BAZ2B: variants seen among roughly 807,000 people sequenced by gnomAD.
The protein encoded by BAZ2B is bromodomain adjacent to zinc finger domain protein 2B.
Under a neutral mutation model 246.0 loss-of-function variants are expected in BAZ2B, and 91 were observed. The ratio of observed to expected loss-of-function variants is 0.37; its 90% CI spans 0.31 to 0.44. BAZ2B has a LOEUF of 0.44. BAZ2B is among the 20% of genes least tolerant of loss of function. The pLI is 1.00. For missense variants in BAZ2B, 2,332 were observed against 2,533.7 expected (o/e 0.92, Z 1.71); for synonymous variants, 855 against 860.0 (o/e 0.99, Z 0.10).
In BAZ2B at chr2:159,478,702, C is replaced by A. The variant is rs2078909036; in HGVS notation, c.18G>T (p.Arg6=). 1 of 1,594,280 alleles carries A rather than the reference C, an allele frequency of 6.3e-7. No individual in the cohort carries two copies. Among genetic ancestry groups the A allele is most frequent in the Non-Finnish European group, 8.5e-7 (1 of 1,170,072 alleles). The part of the protein sequence containing the change: MESGE[R]LPSSAASSTT... ...TAGAGGAGGCTGCTGAGGATGGTAA[C>A]CGTTCTCCAGACTCCATATCTATGA... The change falls in exon 3 of 37, where the codon CGG becomes CGT. Residue 6 remains arginine, a synonymous_variant. Coordinates refer to ENST00000392783, the MANE Select transcript of BAZ2B (RefSeq NM_013450.4).
At chr2:159,603,507 G>A (rs937026469) in intron 1 of BAZ2B, among the ~76,000 whole-genome samples, 3 of 151,358 alleles carry the variant, frequency 2.0e-5, no homozygotes, top group African/African-American at 4.9e-5. Flanking sequence ...GTTCTAGTTC[G>A]TGATTATCAG....
intron 1 of BAZ2B, among the ~76,000 whole-genome samples, chr2:159,582,515 C>G (rs370263970): frequency 1.6e-4 from 25 of 152,062 alleles, no homozygotes; most frequent in East Asian, 7.7e-4. Context: ...TCCGGAGTAG[C>G]TGGGACAGCA....
intron 25 of BAZ2B, among the ~76,000 whole-genome samples, chr2:159,377,901 G>A (rs908424214): frequency 6.6e-6 from 1 of 151,662 alleles, no homozygotes; most frequent in Admixed American, 6.6e-5. Flanking sequence ...TAGTCTATGT[G>A]TAAAGAATAA....
At position 159,448,384 on chromosome 2, in the gene BAZ2B, A is replaced by G. The variant is rs1351691327; in HGVS notation, c.360T>C (p.Asp120=). The change falls in exon 5 of 37, where the codon GAT becomes GAC. Residue 120 remains aspartate, a synonymous_variant. Transcript: ENST00000392783. ...FPGAEWWRTT[D]AHTRTGATFF... ...AGGTTGCTCCTGTACGAGTATGAGC[A>G]TCAGTTGTTCGCCACCATTCTGCAC... The G allele has an allele frequency of 1.9e-6, 3 of 1,596,808 alleles. No homozygotes were observed. Among genetic ancestry groups the G allele is most frequent in the African/African-American group, 1.4e-5 (1 of 74,028 alleles).
rs1419985798 is a variant in BAZ2B at position 159,414,350 on chromosome 2, G to A, written c.2467-1805C>T. Among the ~76,000 whole-genome samples the A allele has an allele frequency of 2.6e-5, 4 of 152,068 alleles. No individual in the cohort carries two copies. In the East Asian group the frequency reaches 7.7e-4, roughly 29 times the overall value. ...ATGTGGGTAAAATAAATAAGATCTAGTATTTGATAGCACAACATGGTGACT... is the reference window on the plus strand; with the variant it reads ...ATGTGGGTAAAATAAATAAGATCTAATATTTGATAGCACAACATGGTGACT... On this transcript the variant is annotated intron_variant, in intron 13 of 36. Coordinates refer to ENST00000392783, the MANE Select transcript of BAZ2B (RefSeq NM_013450.4).
chr2:159,373,943 C>T (rs1052464805), intron 26 of BAZ2B, among the ~76,000 whole-genome samples: 1 of 152,068 alleles, frequency 6.6e-6, no homozygotes, highest in Non-Finnish European at 1.5e-5. Context: ...TGGGATAGGT[C>T]TGTGAAGAAT....
chr2:159,702,183 A>C, the BAZ2B span, among the ~76,000 whole-genome samples: 1 of 152,232 alleles, frequency 6.6e-6, no homozygotes, highest in African/African-American at 2.4e-5. Flanking sequence ...AAAAGCTTCT[A>C]TTCAATGTCT....
chr2:159,357,338 T>C (rs1403885037), intron 27 of BAZ2B, among the ~76,000 whole-genome samples: 1 of 151,276 alleles, frequency 6.6e-6, no homozygotes, highest in African/African-American at 2.4e-5. Context: ...CACACAAGTA[T>C]CAACAGCCGA....
At chr2:159,644,900 T>A in the BAZ2B span, among the ~76,000 whole-genome samples, 536 of 152,300 alleles carry the variant, frequency 3.5e-3, 26 homozygotes, top group East Asian at 0.095. Flanking sequence ...CCTTAATAAT[T>A]CCTTTTTCAT....
intron 2 of BAZ2B, among the ~76,000 whole-genome samples, chr2:159,492,225 T>C (rs1054790352): frequency 5.5e-4 from 84 of 152,316 alleles, no homozygotes; most frequent in African/African-American, 1.9e-3. Flanking sequence ...TGCCCCATAA[T>C]TGCATATCAA....
chr2:159,476,476 A>G (rs1000341525), intron 3 of BAZ2B, among the ~76,000 whole-genome samples: 3 of 152,114 alleles, frequency 2.0e-5, no homozygotes, highest in South Asian at 2.1e-4. Context: ...TTATTCAGCA[A>G]CTCGGCATAC....
the BAZ2B span, among the ~76,000 whole-genome samples, chr2:159,640,807 A>G: frequency 2.6e-5 from 4 of 151,966 alleles, no homozygotes; most frequent in Non-Finnish European, 2.9e-5. Context: ...GCTCAGCATC[A>G]TAAGACAGGA....
At chr2:159,544,109 CCTT>C (rs1012648785) in intron 2 of BAZ2B, among the ~76,000 whole-genome samples, 6 of 152,118 alleles carry the variant, frequency 3.9e-5, no homozygotes, top group African/African-American at 1.2e-4. Context: ...TTTAACATGT[CCTT>C]CTCTCCTTTT....
intron 9 of BAZ2B, among the ~76,000 whole-genome samples, chr2:159,432,350 T>C (rs1378603209): frequency 6.6e-6 from 1 of 151,212 alleles, no homozygotes; most frequent in Non-Finnish European, 1.5e-5. Flanking sequence ...TGAACATTCA[T>C]AGAGATTTAG....
chr2:159,603,577 C>T (rs1215194267), intron 1 of BAZ2B, among the ~76,000 whole-genome samples: 1 of 151,902 alleles, frequency 6.6e-6, no homozygotes, highest in Non-Finnish European at 1.5e-5. Context: ...GAATTATATC[C>T]TCTGCCCCTG....
At chr2:159,318,425 G>A (rs1254681751), downstream of BAZ2B, among the ~76,000 whole-genome samples, 1 of 152,162 alleles carries the variant, frequency 6.6e-6, no homozygotes, top group Non-Finnish European at 1.5e-5. Flanking sequence ...GAAGCTTTGT[G>A]AAGTTAAAAA....
the BAZ2B span, chr2:159,689,503 C>T: frequency 4.2e-6 from 1 of 238,644 alleles, no homozygotes; most frequent in Non-Finnish European, 8.0e-6. Context: ...TCCTGAGTAG[C>T]TGGGATTACA....
At chr2:159,344,027 C>CAAAAA (rs70994297) in intron 31 of BAZ2B, among the ~76,000 whole-genome samples, 6 of 96,908 alleles carry the variant, frequency 6.2e-5, no homozygotes, top group South Asian at 3.5e-4. Flanking sequence ...GACTCCATCT[C>CAAAAA]AAAAAAAAAA....
intron 33 of BAZ2B, among the ~76,000 whole-genome samples, chr2:159,333,967 T>C (rs962505132): frequency 3.9e-5 from 6 of 152,150 alleles, no homozygotes; most frequent in Non-Finnish European, 7.4e-5. Flanking sequence ...AACATCACCA[T>C]CACTGAATAC....
Sources: gnomAD v4.1 joint callset for allele counts (sites outside exome capture counted in the v4.1 genomes callset) on GRCh38, gnomAD v4.1.1 for gene constraint, MANE v1.5 for transcripts, NCBI Gene and HGNC (gene_info 2026-07-23, HGNC 2026-07-21) for gene names.